Variants in QTGAL observed in about 807,000 individuals in gnomAD.
QTGAL encodes the protein BGnT-like protein 1.
the QTGAL span, among the ~76,000 whole-genome samples, chr17:83,008,063 C>T: frequency 0.012 from 1,847 of 152,288 alleles, 42 homozygotes; most frequent in African/African-American, 0.042. Flanking sequence ...GGAAGAGGCA[C>T]GCTCTCAAGA....
the QTGAL span, chr17:82,945,248 A>G: frequency 6.6e-6 from 1 of 152,268 alleles, no homozygotes; most frequent in African/African-American, 2.4e-5. Context: ...CATTATCCAG[A>G]GAACTGGAAG....
chr17:83,014,105 A>C, the QTGAL span, among the ~76,000 whole-genome samples: 43 of 152,196 alleles, frequency 2.8e-4, no homozygotes, highest in Non-Finnish European at 4.8e-4. Flanking sequence ...TAAAAACCGT[A>C]ATTTAAGATC....
At chr17:83,025,173 ACACACGGACACCGCGG>A in the QTGAL span, among the ~76,000 whole-genome samples, 1 of 99,092 alleles carries the variant, frequency 1.0e-5, no homozygotes, top group South Asian at 3.0e-4. Flanking sequence ...CGCGGAGTCC[ACACACGGACACCGCGG>A]AGAGTCCACA....
chr17:83,042,761 G>A, the QTGAL span, among the ~76,000 whole-genome samples: 5 of 152,152 alleles, frequency 3.3e-5, no homozygotes, highest in South Asian at 2.1e-4. Context: ...CTGGCAGAAC[G>A]GATCTTGAAA....
the QTGAL span, among the ~76,000 whole-genome samples, chr17:83,022,126 AAGGTTTCTT>A: frequency 1.3e-5 from 2 of 152,236 alleles, no homozygotes; most frequent in African/African-American, 4.8e-5. Context: ...GGGGCAGACA[AAGGTTTCTT>A]AGGTTCTTAG....
chr17:83,014,623 A>G, the QTGAL span: 1 of 1,279,962 alleles, frequency 7.8e-7, no homozygotes, highest in African/African-American at 1.5e-5. Flanking sequence ...CGGCACAATC[A>G]TAGCTCACTG....
chr17:82,959,430 T>C, the QTGAL span, among the ~76,000 whole-genome samples: 1 of 150,522 alleles, frequency 6.6e-6, no homozygotes, highest in Non-Finnish European at 1.5e-5. Flanking sequence ...CGTATGTGTG[T>C]GCATGCTGTA....
At chr17:83,015,501 C>G in the QTGAL span, among the ~76,000 whole-genome samples, 181 of 152,348 alleles carry the variant, frequency 1.2e-3, no homozygotes, top group African/African-American at 4.2e-3. This position sits in a 1 kb window ranked among gnomAD's most constrained non-coding sequence, Gnocchi z 4.4. Flanking sequence ...GCCTAATGTT[C>G]AGTGAAAGAA....
chr17:83,024,119 G>A, the QTGAL span, among the ~76,000 whole-genome samples: 2 of 148,208 alleles, frequency 1.3e-5, no homozygotes, highest in South Asian at 2.1e-4. Context: ...CTAAACAGGG[G>A]TGAACGCACA....
chr17:83,006,184 T>C, the QTGAL span: 4 of 986,088 alleles, frequency 4.1e-6, no homozygotes, highest in Non-Finnish European at 4.8e-6. This position sits in a 1 kb window ranked among gnomAD's most constrained non-coding sequence, Gnocchi z 5.8. Flanking sequence ...AAAATGTAAC[T>C]GTGGTCCAAA....
chr17:82,965,545 C>T, the QTGAL span: 3 of 1,148,606 alleles, frequency 2.6e-6, no homozygotes, highest in South Asian at 4.2e-5. Flanking sequence ...ATCTGCAGAG[C>T]CCCGGAGGCA....
At chr17:82,967,551 G>C in the QTGAL span, among the ~76,000 whole-genome samples, 1 of 152,056 alleles carries the variant, frequency 6.6e-6, no homozygotes, top group Non-Finnish European at 1.5e-5. Flanking sequence ...CTGCGGGGGT[G>C]GGGGTGCTAC....
the QTGAL span, among the ~76,000 whole-genome samples, chr17:83,040,011 C>T: frequency 1.3e-5 from 2 of 152,148 alleles, no homozygotes; most frequent in African/African-American, 4.8e-5. Flanking sequence ...CCTTGAAATA[C>T]GTCATAGCTG....
At chr17:82,997,245 C>A in the QTGAL span, among the ~76,000 whole-genome samples, 1 of 152,336 alleles carries the variant, frequency 6.6e-6, no homozygotes, top group South Asian at 2.1e-4. Context: ...TCTGAACAGA[C>A]ACTTCTCAAA....
the QTGAL span, among the ~76,000 whole-genome samples, chr17:83,037,371 C>T: frequency 8.5e-4 from 130 of 152,324 alleles, no homozygotes; most frequent in African/African-American, 3.0e-3. This position sits in a 1 kb window ranked among gnomAD's most constrained non-coding sequence, Gnocchi z 5.2. Flanking sequence ...TTCTCCAACC[C>T]GGAGCAGTGC....
the QTGAL span, among the ~76,000 whole-genome samples, chr17:83,039,485 C>T: frequency 7.9e-6 from 1 of 125,828 alleles, no homozygotes; most frequent in East Asian, 2.4e-4. Context: ...GCCCGCCGCC[C>T]GCCCCTGTTC....
At chr17:83,040,212 G>A in the QTGAL span, among the ~76,000 whole-genome samples, 1 of 152,126 alleles carries the variant, frequency 6.6e-6, no homozygotes, top group East Asian at 1.9e-4. Context: ...TCAGGCACTG[G>A]TTTTCTAAAA....
the QTGAL span, among the ~76,000 whole-genome samples, chr17:83,015,571 T>C: frequency 9.2e-5 from 14 of 152,156 alleles, no homozygotes; most frequent in African/African-American, 3.4e-4. The surrounding 1 kb of genome is among the most constrained non-coding windows in gnomAD (Gnocchi z 4.4). Context: ...CCAAGCCAAA[T>C]AAACCATATT....
chr17:82,944,816 A>G, the QTGAL span: 1 of 152,238 alleles, frequency 6.6e-6, no homozygotes, highest in African/African-American at 2.4e-5. Context: ...CTATTTTGAT[A>G]GCAGAATGGA....
Sources: allele counts gnomAD v4.1 joint callset (sites outside exome capture counted in the v4.1 genomes callset), GRCh38; gene constraint gnomAD v4.1.1; non-coding constraint Gnocchi (gnomAD v3.1); transcripts MANE v1.5; gene names NCBI Gene and HGNC (gene_info 2026-07-23, HGNC 2026-07-21).